TRUB2: variants seen among roughly 807,000 people sequenced by gnomAD.
The protein encoded by TRUB2 is pseudouridylate synthase TRUB2, mitochondrial.
TRUB2 carries 31 observed loss-of-function variants against 31.9 expected under a neutral mutation model. The observed-to-expected ratio is 0.97, with a 90% CI of 0.73 to 1.31. The LOEUF is 1.31. Ranked by LOEUF, TRUB2 falls within the 50% of genes most tolerant of loss-of-function variation. TRUB2 has a pLI of 0.00. For missense variants in TRUB2, 451 were observed against 439.6 expected, an observed-to-expected ratio of 1.03 and a Z score of -0.23; for synonymous variants, 201 against 182.6, an observed-to-expected ratio of 1.10 and a Z score of -0.81.
At chr9:128,321,824 G>A (rs1192566846) in intron 1 of TRUB2, 94 bp from the exon 2 acceptor site, 1 of 1,363,660 alleles carries the variant, frequency 7.3e-7, no homozygotes, top group South Asian at 1.3e-5. Context: ...CTGTAGCCCA[G>A]GCTGAAGTGC....
Position 128,321,698 on chromosome 9 carries a change from G to A in TRUB2, c.142C>T (p.Gln48Ter), listed in dbSNP as rs762353540. Residue 48 changes from glutamine to a stop codon, truncating the protein, a stop_gained, in exon 2 of 8, where the codon CAG becomes TAG. Transcript: ENST00000372890. LOFTEE classifies it high-confidence loss of function. The stretch of plus-strand genomic sequence containing the variant: ...GGGCCCAGCAAGAAGCGAACACGCT[G>A]TTTAGGAGCGGGAGGCTTCCTGGCA... ...LNARKPPAPK[Q>*]RVRFLLGPME... 6.2e-7 allele frequency: 1 copy of A among 1,613,822 alleles called. No individual in the cohort carries two copies. Among genetic ancestry groups the A allele is most frequent in the Non-Finnish European group, 8.5e-7 (1 of 1,180,040 alleles).
Position 128,319,707 on chromosome 9 carries a change from T to G in TRUB2, c.241+1892A>C, listed in dbSNP as rs567734711. Among the ~76,000 whole-genome samples, 262 of 140,686 alleles carry G rather than the reference T, an allele frequency of 1.9e-3. 1 individual carries two copies. Among genetic ancestry groups the G allele is most frequent in the Admixed American group, 4.5e-3 (63 of 14,068 alleles). The allele number at this position is 140,686 out of a possible 152,430, so 92.3% of individuals were successfully genotyped here. On this transcript the variant is annotated intron_variant, in intron 2 of 7. Coordinates refer to ENST00000372890, the MANE Select transcript of TRUB2 (RefSeq NM_015679.3). ...AGGCTGGAGTGCAGTGGCACGATCA[T>G]GGCTCACCACAACCTCTGCCTCCCA...
chr9:128,311,621 G>T lies in TRUB2; in HGVS notation c.461-20C>A. 1 of 1,613,770 alleles carries T rather than the reference G, an allele frequency of 6.2e-7. No homozygotes were observed. The highest frequency in any genetic ancestry group is 8.5e-7 in the Non-Finnish European group (1 of 1,179,792). Reference sequence around the variant, plus strand: ...CGTGGTCTGGAAAAGGCAGGGGGTTGTCAATGTACAGGTACCTGCTGAGTA... The same window carrying T: ...CGTGGTCTGGAAAAGGCAGGGGGTTTTCAATGTACAGGTACCTGCTGAGTA... On this transcript the variant is annotated intron_variant, in intron 5 of 7. Transcript: ENST00000372890.
rs1831860566 is a variant in TRUB2, at chr9:128,306,052, A to C, written c.*3498T>G. 6.6e-6 allele frequency: 1 copy of C among 152,216 alleles called. No homozygotes were observed. Among genetic ancestry groups the C allele is most frequent in the African/African-American group, 2.4e-5 (1 of 41,452 alleles). The allele number at this position is 152,216 out of a possible 1,614,324, so 9.4% of individuals were successfully genotyped here. The stretch of plus-strand genomic sequence containing the variant: ...ACCTCATGATGCTTACACATTTGGT[A>C]CATTTTTAACAATCGTTGATTGTTC... On this transcript the variant is annotated 3_prime_UTR_variant, in exon 8 of 8. Coordinates refer to ENST00000372890, the MANE Select transcript of TRUB2 (RefSeq NM_015679.3).
chr9:128,311,084 T>G (rs1316820069), intron 6 of TRUB2, 61 bp from the exon 7 acceptor site: 1 of 1,591,352 alleles, frequency 6.3e-7, no homozygotes, highest in East Asian at 2.3e-5. Flanking sequence ...CCACATGAGG[T>G]GCCTCTCTGG....
At chr9:128,313,177 A>G (rs907698538) in intron 5 of TRUB2, among the ~76,000 whole-genome samples, 2 of 150,910 alleles carry the variant, frequency 1.3e-5, no homozygotes, top group Non-Finnish European at 2.9e-5. Flanking sequence ...AGATCGCGCC[A>G]CTGCACTCCA....
rs940770247 is a variant in TRUB2 at position 128,309,940 on chromosome 9, C to T, written c.671-65G>A. On this transcript the variant is annotated intron_variant, in intron 7 of 7. Coordinates refer to ENST00000372890, the MANE Select transcript of TRUB2 (RefSeq NM_015679.3). ...ACAGCCTCTAGTGTGTGGTTGTGAA[C>T]GCACACCCCTTGGATACCTCCTAGG... 5.0e-5 allele frequency: 77 copies of T among 1,535,074 alleles called. No homozygotes were observed. In the African/African-American group the frequency reaches 6.4e-4, roughly 13 times the overall value.
intron 5 of TRUB2, among the ~76,000 whole-genome samples, chr9:128,313,550 A>AAAAAG (rs1163564820): frequency 6.6e-6 from 1 of 151,860 alleles, no homozygotes; most frequent in African/African-American, 2.4e-5. Flanking sequence ...AAAAAAAAAA[A>AAAAAG]AAAAGAAAAG....
At chr9:128,317,276 G>C in intron 2 of TRUB2, 50 bp from the exon 3 acceptor site, 4 of 1,537,812 alleles carry the variant, frequency 2.6e-6, no homozygotes, top group Non-Finnish European at 3.5e-6. Flanking sequence ...GCCACCCCAG[G>C]ATGGCTTTGG....
chr9:128,320,796 C>CT lies in TRUB2; in HGVS notation c.241+802dup, dbSNP rs935454483. Among the ~76,000 whole-genome samples the CT allele has an allele frequency of 4.7e-4, 69 of 147,382 alleles. 1 individual carries two copies. The highest frequency in any genetic ancestry group is 6.1e-4 in the Admixed American group (9 of 14,738). ...ATATTTTAAATCATCTCTAGATTAC[C>CT]TTTTTTTTTTTGAGACGGAGTCTCG... is the stretch of plus-strand genomic sequence containing the variant. On this transcript the variant is annotated intron_variant, in intron 2 of 7. Coordinates refer to ENST00000372890, the MANE Select transcript of TRUB2 (RefSeq NM_015679.3).
At chr9:128,313,740 A>G in intron 5 of TRUB2, 68 bp downstream of exon 5, 1 of 1,442,426 alleles carries the variant, frequency 6.9e-7, no homozygotes, top group Non-Finnish European at 9.7e-7. Context: ...AGCGTGGCCT[A>G]GGGCGGGGAG....
intron 3 of TRUB2, 37 bp downstream of exon 3, chr9:128,317,115 C>T (rs1279232516): frequency 3.9e-6 from 6 of 1,542,946 alleles, no homozygotes; most frequent in Non-Finnish European, 4.4e-6. Context: ...TTTCTCAAGC[C>T]TTATCACTGT....
In TRUB2 at chr9:128,311,423, G is replaced by A. The variant is rs182079957; in HGVS notation, c.533+106C>T. 3.5e-6 allele frequency: 4 copies of A among 1,146,800 alleles called. No homozygotes were observed. In the African/African-American group the frequency reaches 6.1e-5, roughly 18 times the overall value. The allele number at this position is 1,146,800 out of a possible 1,614,324, so 71.0% of individuals were successfully genotyped here. On this transcript the variant is annotated intron_variant, in intron 6 of 7. Transcript: ENST00000372890. The stretch of plus-strand genomic sequence containing the variant: ...AAACAGGTAGCTCCCGTCTGGTTCT[G>A]GGCTCTAAAAACAAGATCCATGGAA...
In TRUB2 at chr9:128,309,055, C is replaced by G. The variant is rs1831915648; in HGVS notation, c.*495G>C. 1 of 155,474 alleles carries G rather than the reference C, an allele frequency of 6.4e-6. No homozygotes were observed. Among genetic ancestry groups the G allele is most frequent in the Non-Finnish European group, 1.4e-5 (1 of 70,088 alleles). The allele number at this position is 155,474 out of a possible 1,614,324, so 9.6% of individuals were successfully genotyped here. A position where few individuals can be genotyped will look rare whatever the true frequency, so the allele number is the denominator to read the frequency against. ...GTCTTCTTATTGCTTTCTAAGGGCT[C>G]TCTGTATACTATGGATATTAGTCCT... On this transcript the variant is annotated 3_prime_UTR_variant, in exon 8 of 8. Transcript: ENST00000372890.
At chr9:128,312,134 C>CTT (rs61513949) in intron 5 of TRUB2, among the ~76,000 whole-genome samples, 34 of 109,352 alleles carry the variant, frequency 3.1e-4, no homozygotes, top group East Asian at 7.8e-4. Flanking sequence ...TGCACCCAGA[C>CTT]TTTTTTTTTT....
intron 7 of TRUB2, among the ~76,000 whole-genome samples, chr9:128,310,640 G>T (rs890818229): frequency 2.0e-5 from 3 of 152,070 alleles, no homozygotes; most frequent in African/African-American, 7.2e-5. Flanking sequence ...GCTTGGTAAG[G>T]TCTGGCTTCC....
At chr9:128,310,218 G>A (rs942437996) in intron 7 of TRUB2, among the ~76,000 whole-genome samples, 6 of 151,836 alleles carry the variant, frequency 4.0e-5, no homozygotes, top group Admixed American at 6.6e-5. Flanking sequence ...CTCAGCCTCC[G>A]GAGTAGCTGG....
Position 128,309,806 on chromosome 9 carries a change from T to C in TRUB2, c.740A>G (p.Lys247Arg). ...KLVHEIGLEL[K>R]TTAVCTQVRR... is the part of the protein sequence containing the mutation. The stretch of plus-strand genomic sequence containing the variant: ...CACTTGGGTGCAGACAGCAGTGGTC[T>C]TTAGTTCCAGGCCGATTTCATGAAC... Residue 247 changes from lysine (K) to arginine (R), a missense_variant, in exon 8 of 8, where the codon AAG becomes AGG. Physicochemically the swap from Lys to Arg is conservative, Grantham distance 26 (BLOSUM62 2). Transcript: ENST00000372890. 1 of 1,614,242 alleles carries C rather than the reference T, an allele frequency of 6.2e-7. No homozygotes were observed. Among genetic ancestry groups the C allele is most frequent in the Non-Finnish European group, 8.5e-7 (1 of 1,180,034 alleles).
chr9:128,311,655 A>G (rs371345620), intron 5 of TRUB2, 54 bp from the exon 6 acceptor site: 281 of 1,590,670 alleles, frequency 1.8e-4, no homozygotes, highest in Middle Eastern at 6.6e-4. Context: ...TATTGGTCAC[A>G]GCAAACTCCT....
Sources: gnomAD v4.1 joint callset for allele counts (sites outside exome capture counted in the v4.1 genomes callset) on GRCh38, gnomAD v4.1.1 for gene constraint, MANE v1.5 for transcripts, NCBI Gene and HGNC (gene_info 2026-07-23, HGNC 2026-07-21) for gene names.